The following INSYN2B variants were observed in gnomAD, a reference collection of about 807,000 sequenced individuals.
INSYN2B encodes the protein protein INSYN2B.
In INSYN2B, 16 loss-of-function variants were observed where a neutral mutation model predicts 41.2. The observed-to-expected ratio is 0.39, with a 90% CI of 0.26 to 0.59. The LOEUF is 0.59. Ranked by LOEUF, INSYN2B falls within the 20% of genes least tolerant of loss-of-function variation. The probability of loss-of-function intolerance (pLI) is 0.57; values close to 1 mark genes in which losing one functional copy is unlikely to be tolerated. For missense variants in INSYN2B, 608 were observed against 646.4 expected (o/e 0.94, Z 0.64); for synonymous variants, 245 against 244.4 (o/e 1.00, Z -0.02).
chr5:169,958,959 G>T (rs1031915603), intron 1 of INSYN2B, among the ~76,000 whole-genome samples: 7 of 152,176 alleles, frequency 4.6e-5, no homozygotes, highest in Non-Finnish European at 1.0e-4. Flanking sequence ...AATGAGGCAG[G>T]TTCCTAGAAT....
chr5:169,925,111 A>G (rs1361373455), intron 1 of INSYN2B, among the ~76,000 whole-genome samples: 1 of 151,820 alleles, frequency 6.6e-6, no homozygotes, highest in Non-Finnish European at 1.5e-5. Context: ...CCAACCCCCC[A>G]TTCATCTGTT....
At chr5:169,960,274 G>T (rs1045250053) in intron 1 of INSYN2B, among the ~76,000 whole-genome samples, 1 of 152,198 alleles carries the variant, frequency 6.6e-6, no homozygotes, top group Non-Finnish European at 1.5e-5. Flanking sequence ...CTGTACATGG[G>T]TATCTTTGTT....
At chr5:169,896,024 C>T (rs908113218) in intron 1 of INSYN2B, among the ~76,000 whole-genome samples, 2 of 152,220 alleles carry the variant, frequency 1.3e-5, no homozygotes, top group Non-Finnish European at 2.9e-5. Context: ...GGCCACCCTC[C>T]ATGATCCTTT....
chr5:169,962,406 G>A (rs557615099), intron 1 of INSYN2B, among the ~76,000 whole-genome samples: 196 of 152,340 alleles, frequency 1.3e-3, no homozygotes, highest in Middle Eastern at 0.01. Context: ...GGAAAGTGGG[G>A]GAGGATGGAG....
At chr5:169,959,506 T>G (rs573175730) in intron 1 of INSYN2B, among the ~76,000 whole-genome samples, 1 of 152,350 alleles carries the variant, frequency 6.6e-6, no homozygotes, top group African/African-American at 2.4e-5. Flanking sequence ...GGAAGAACTT[T>G]CTAACAATTC....
At chr5:169,903,853 A>G (rs556788909) in intron 1 of INSYN2B, among the ~76,000 whole-genome samples, 1 of 152,104 alleles carries the variant, frequency 6.6e-6, no homozygotes, top group African/African-American at 2.4e-5. Context: ...TAATCCCAGC[A>G]CTTTGGGAGG....
intron 1 of INSYN2B, among the ~76,000 whole-genome samples, chr5:169,942,278 A>C (rs1470485533): frequency 1.3e-5 from 2 of 152,200 alleles, no homozygotes; most frequent in Non-Finnish European, 2.9e-5. Context: ...CTCTCTCTGC[A>C]ATGACTTCTG....
chr5:169,969,897 A>T (rs1347201942), intron 1 of INSYN2B, among the ~76,000 whole-genome samples: 2 of 152,246 alleles, frequency 1.3e-5, no homozygotes, highest in Non-Finnish European at 2.9e-5. Flanking sequence ...TCCAAGAGAA[A>T]CTGAATATCC....
intron 3 of INSYN2B, among the ~76,000 whole-genome samples, chr5:169,880,544 A>G (rs910493033): frequency 6.6e-6 from 1 of 152,248 alleles, no homozygotes; most frequent in Admixed American, 6.5e-5. Flanking sequence ...CCACTTTTCT[A>G]CTATGCCATG....
chr5:169,872,644 C>T (rs1005988117), intron 3 of INSYN2B, among the ~76,000 whole-genome samples: 3 of 152,182 alleles, frequency 2.0e-5, no homozygotes, highest in African/African-American at 4.8e-5. Context: ...GGTTCTGTGA[C>T]TCTGTGCCAG....
chr5:169,955,240 T>A lies in INSYN2B; in HGVS notation c.-919+25037A>T, dbSNP rs373743416. ...CCTGCAGGAGAAGGGGAGATGCCCC[T>A]GCCCGGGACCACACAGGACAGAAGG... On this transcript the variant is annotated intron_variant, in intron 1 of 3. Transcript: ENST00000377365. Among the ~76,000 whole-genome samples, 25 of 152,274 alleles carry A rather than the reference T, an allele frequency of 1.6e-4. 1 individual carries two copies. The East Asian group carries it at 3.5e-3, about 21-fold the overall frequency.
At chr5:169,923,071 C>T (rs1001438041) in intron 1 of INSYN2B, among the ~76,000 whole-genome samples, 1 of 152,186 alleles carries the variant, frequency 6.6e-6, no homozygotes, top group Non-Finnish European at 1.5e-5. Flanking sequence ...CCCTGGGGGA[C>T]ACAGAGCCAC....
At chr5:169,903,682 G>T (rs1457292493) in intron 1 of INSYN2B, among the ~76,000 whole-genome samples, 1 of 152,122 alleles carries the variant, frequency 6.6e-6, no homozygotes, top group Non-Finnish European at 1.5e-5. Context: ...TTCCTAGAGG[G>T]TCGAACTTAC....
chr5:169,975,330 A>G (rs1465485377), intron 1 of INSYN2B, among the ~76,000 whole-genome samples: 1 of 152,236 alleles, frequency 6.6e-6, no homozygotes, highest in Non-Finnish European at 1.5e-5. Context: ...GCTTTCCAGC[A>G]CACAGCAGCT....
At chr5:169,919,627 G>A (rs190580752) in intron 1 of INSYN2B, among the ~76,000 whole-genome samples, 134 of 152,274 alleles carry the variant, frequency 8.8e-4, no homozygotes, top group African/African-American at 3.0e-3. Context: ...TTTCCCTGGC[G>A]TATTTTTGTG....
At chr5:169,910,515 T>C (rs1774534942) in intron 1 of INSYN2B, among the ~76,000 whole-genome samples, 2 of 152,184 alleles carry the variant, frequency 1.3e-5, no homozygotes, top group South Asian at 4.1e-4. Context: ...GCCTGATTCA[T>C]AAAACATGAC....
intron 2 of INSYN2B, 99 bp downstream of exon 2, chr5:169,882,454 G>A (rs1772710355): frequency 6.0e-6 from 6 of 992,452 alleles, no homozygotes; most frequent in Admixed American, 2.9e-5. Flanking sequence ...CAAACATTTT[G>A]GAGACATTTT....
intron 1 of INSYN2B, among the ~76,000 whole-genome samples, chr5:169,963,050 G>A (rs1162884478): frequency 6.6e-6 from 1 of 152,184 alleles, no homozygotes; most frequent in Non-Finnish European, 1.5e-5. Flanking sequence ...TCTCTTTACA[G>A]TTACAGTTCC....
Position 169,864,246 on chromosome 5 carries a change from G to A in INSYN2B, c.*27C>T, listed in dbSNP as rs141509405. 215 of 1,544,174 alleles carry A rather than the reference G, an allele frequency of 1.4e-4. No homozygotes were observed. In the African/African-American group the frequency reaches 2.4e-3, roughly 17 times the overall value. ...CATCTCAGGGAAGTGCGTGGAGTTGGGGGGCTGGGGGATGGTCCCAACCAG... is the reference window on the plus strand; with the variant it reads ...CATCTCAGGGAAGTGCGTGGAGTTGAGGGGCTGGGGGATGGTCCCAACCAG... On this transcript the variant is annotated 3_prime_UTR_variant, in exon 4 of 4. Coordinates refer to ENST00000377365, the MANE Select transcript of INSYN2B (RefSeq NM_001129891.3).
Sources: gnomAD v4.1 joint callset for allele counts (sites outside exome capture counted in the v4.1 genomes callset) on GRCh38, gnomAD v4.1.1 for gene constraint, MANE v1.5 for transcripts, NCBI Gene and HGNC (gene_info 2026-07-23, HGNC 2026-07-21) for gene names.